UNC5D: variants seen among roughly 807,000 people sequenced by gnomAD.
UNC5D encodes unc-5 netrin receptor D, also known as netrin receptor UNC5D.
In UNC5D, 39 loss-of-function variants were observed where a neutral mutation model predicts 105.4. The ratio of observed to expected loss-of-function variants is 0.37; its 90% confidence interval spans 0.29 to 0.48. The LOEUF (loss-of-function observed/expected upper bound fraction) is 0.48, where lower values mean the gene tolerates loss of function less well. Among genes scored for constraint, UNC5D ranks in the 20% least tolerant of loss-of-function variants. UNC5D has a pLI of 0.98. For missense variants in UNC5D, 991 were observed against 1,202.4 expected, an observed-to-expected ratio of 0.82 and a Z score of 2.60; for synonymous variants, 452 against 450.4, an observed-to-expected ratio of 1.00 and a Z score of -0.04.
chr8:35,452,314 G>C (rs181644831), intron 1 of UNC5D, among the ~76,000 whole-genome samples: 1 of 151,642 alleles, frequency 6.6e-6, no homozygotes, highest in Non-Finnish European at 1.5e-5. Flanking sequence ...ACCCAGGCTG[G>C]AGTGCAGTGG....
intron 1 of UNC5D, among the ~76,000 whole-genome samples, chr8:35,358,871 CA>C (rs1801704605): frequency 6.6e-6 from 1 of 152,036 alleles, no homozygotes. Context: ...TTTGTGGAGC[CA>C]ATATCACAGT....
chr8:35,581,251 A>G (rs984589308), intron 3 of UNC5D, among the ~76,000 whole-genome samples: 3 of 152,046 alleles, frequency 2.0e-5, no homozygotes, highest in Non-Finnish European at 4.4e-5. Flanking sequence ...TCTTCCCTCC[A>G]TAATCCAGCC....
chr8:35,505,465 T>C (rs893893018), intron 1 of UNC5D, among the ~76,000 whole-genome samples: 9 of 152,204 alleles, frequency 5.9e-5, no homozygotes, highest in Non-Finnish European at 1.3e-4. Context: ...GTAGAAAGGC[T>C]AGCATTGAGC....
At chr8:35,760,727 T>C (rs1005102222) in intron 14 of UNC5D, among the ~76,000 whole-genome samples, 4 of 152,120 alleles carry the variant, frequency 2.6e-5, no homozygotes, top group Non-Finnish European at 5.9e-5. Context: ...CCCATCAGCA[T>C]AATGTGTAGC....
intron 4 of UNC5D, among the ~76,000 whole-genome samples, chr8:35,670,064 C>T (rs1824678130): frequency 6.6e-6 from 1 of 151,982 alleles, no homozygotes; most frequent in South Asian, 2.1e-4. Context: ...TGAAGAAATA[C>T]AACACTGAAT....
chr8:35,608,133 A>G (rs932610666), intron 4 of UNC5D, among the ~76,000 whole-genome samples: 1 of 152,050 alleles, frequency 6.6e-6, no homozygotes, highest in Middle Eastern at 3.2e-3. Flanking sequence ...GGGGACTGCT[A>G]TTTAGCCCAG....
intron 1 of UNC5D, among the ~76,000 whole-genome samples, chr8:35,477,135 C>T (rs1414136600): frequency 6.6e-6 from 1 of 152,120 alleles, no homozygotes. Context: ...TTTCTTTGTG[C>T]TTTAAAGGTC....
chr8:35,441,036 G>A (rs1807360596), intron 1 of UNC5D, among the ~76,000 whole-genome samples: 1 of 151,900 alleles, frequency 6.6e-6, no homozygotes, highest in African/African-American at 2.4e-5. Flanking sequence ...GGTCTTTGGG[G>A]CAGGCAATCT....
chr8:35,294,670 A>G (rs1356037045), intron 1 of UNC5D, among the ~76,000 whole-genome samples: 1 of 149,906 alleles, frequency 6.7e-6, no homozygotes, highest in African/African-American at 2.4e-5. Flanking sequence ...GTAGCTGCGG[A>G]GATGACCTCA....
At chr8:35,449,114 GAC>G (rs1807982309) in intron 1 of UNC5D, among the ~76,000 whole-genome samples, 1 of 152,166 alleles carries the variant, frequency 6.6e-6, no homozygotes, top group Non-Finnish European at 1.5e-5. Flanking sequence ...TTAAACTGAT[GAC>G]ATATCTTTGA....
intron 1 of UNC5D, among the ~76,000 whole-genome samples, chr8:35,387,853 T>C (rs1233309450): frequency 6.6e-6 from 1 of 152,202 alleles, no homozygotes; most frequent in Non-Finnish European, 1.5e-5. Context: ...ATAAAAATCA[T>C]TTGGGAAGAG....
chr8:35,678,622 CACTA>C (rs1405666283), intron 4 of UNC5D, among the ~76,000 whole-genome samples: 6 of 152,052 alleles, frequency 3.9e-5, no homozygotes, highest in African/African-American at 1.4e-4. Context: ...TTTATGATAA[CACTA>C]ACCATAATTT....
intron 4 of UNC5D, among the ~76,000 whole-genome samples, chr8:35,647,125 A>G (rs1823102747): frequency 6.6e-6 from 1 of 152,176 alleles, no homozygotes; most frequent in Admixed American, 6.6e-5. Flanking sequence ...ACAAAACAAA[A>G]CAAATGTATT....
chr8:35,525,579 T>C (rs1460439391), intron 1 of UNC5D: 2 of 1,613,104 alleles, frequency 1.2e-6, no homozygotes, highest in African/African-American at 1.3e-5. Context: ...TTCTGAAACA[T>C]ACTGTAAGTT....
intron 16 of UNC5D, among the ~76,000 whole-genome samples, chr8:35,786,203 G>A (rs1485288775): frequency 6.6e-6 from 1 of 152,014 alleles, no homozygotes; most frequent in Non-Finnish European, 1.5e-5. Flanking sequence ...TTTTAATAAG[G>A]CCAATATATT....
chr8:35,500,765 T>C (rs112385815), intron 1 of UNC5D, among the ~76,000 whole-genome samples: 1 of 152,196 alleles, frequency 6.6e-6, no homozygotes, highest in African/African-American at 2.4e-5. Flanking sequence ...TGGTGATTGA[T>C]TGAATGCATG....
At chr8:35,465,983 T>C (rs888325563) in intron 1 of UNC5D, among the ~76,000 whole-genome samples, 1 of 152,176 alleles carries the variant, frequency 6.6e-6, no homozygotes, top group Admixed American at 6.5e-5. Flanking sequence ...TAGGGTTATT[T>C]TCCTATAGTA....
At chr8:35,476,368 A>G (rs938305681) in intron 1 of UNC5D, among the ~76,000 whole-genome samples, 13 of 152,216 alleles carry the variant, frequency 8.5e-5, no homozygotes, top group African/African-American at 3.1e-4. Flanking sequence ...TAGTCCATTC[A>G]TCTAGCTATA....
At chr8:35,308,760 T>C (rs533827854) in intron 1 of UNC5D, among the ~76,000 whole-genome samples, 363 of 152,340 alleles carry the variant, frequency 2.4e-3, no homozygotes, top group Middle Eastern at 6.8e-3. Context: ...ACTGAGACTT[T>C]AAGCACCTGT....
Sources: allele counts gnomAD v4.1 joint callset (sites outside exome capture counted in the v4.1 genomes callset), GRCh38; gene constraint gnomAD v4.1.1; transcripts MANE v1.5; gene names NCBI Gene and HGNC (gene_info 2026-07-23, HGNC 2026-07-21).